Variants in HCN1 observed in about 807,000 individuals in gnomAD.
HCN1 encodes the protein potassium/sodium hyperpolarization-activated cyclic nucleotide-gated channel 1.
Under a neutral mutation model 78.9 loss-of-function variants are expected in HCN1, and 13 were observed. That is an observed-to-expected ratio of 0.16 (90% CI 0.11 to 0.26). The LOEUF (loss-of-function observed/expected upper bound fraction) is 0.26, where lower values mean the gene tolerates loss of function less well. Among genes scored for constraint, HCN1 ranks in the 10% least tolerant of loss-of-function variants. HCN1 has a pLI of 1.00. For synonymous variants in HCN1, 552 were observed against 455.5 expected (o/e 1.21, Z -2.70); for missense variants, 810 against 1,154.3 (o/e 0.70, Z 4.32).
Position 45,449,990 on chromosome 5 carries a change from G to A in HCN1, c.1011+11856C>T, listed in dbSNP as rs186269047. ...TGGGACTGCAGGTGCCTGCCACCACGTCCGGCTAATTTTTGTATTTTTAGA... is the reference window on the plus strand; with the variant it reads ...TGGGACTGCAGGTGCCTGCCACCACATCCGGCTAATTTTTGTATTTTTAGA... On this transcript the variant is annotated intron_variant, in intron 3 of 7. Transcript: ENST00000303230. 3.2e-4 allele frequency among the ~76,000 whole-genome samples: 48 copies of A among 152,164 alleles called. 1 individual carries two copies. The East Asian group carries it at 7.0e-3, about 22-fold the overall frequency.
At chr5:45,352,883 CAA>C (rs1349526458) in intron 5 of HCN1, among the ~76,000 whole-genome samples, 1 of 151,926 alleles carries the variant, frequency 6.6e-6, no homozygotes, top group Non-Finnish European at 1.5e-5. Flanking sequence ...GAAATACAGA[CAA>C]GAGAACAGTT....
In HCN1 at chr5:45,633,587, C is replaced by T. The variant is rs145062284; in HGVS notation, c.849+11598G>A. 9.8e-4 allele frequency among the ~76,000 whole-genome samples: 149 copies of T among 151,970 alleles called. 1 individual carries two copies. The highest frequency in any genetic ancestry group is 3.3e-3 in the African/African-American group (138 of 41,500). On this transcript the variant is annotated intron_variant, in intron 2 of 7. Transcript: ENST00000303230. ...GATCATTTATTTCCTTTTCTAATTCCTCCACAAAAATACAAATTTTCTTTT... is the reference window on the plus strand; with the variant it reads ...GATCATTTATTTCCTTTTCTAATTCTTCCACAAAAATACAAATTTTCTTTT...
At chr5:45,532,095 A>G in intron 2 of HCN1, among the ~76,000 whole-genome samples, 1 of 152,174 alleles carries the variant, frequency 6.6e-6, no homozygotes, top group Non-Finnish European at 1.5e-5. Flanking sequence ...TTTCCTCATC[A>G]TAATTAATCT....
chr5:45,645,694 G>A (rs769163586), intron 1 of HCN1, 86 bp from the exon 2 acceptor site: 31 of 719,158 alleles, frequency 4.3e-5, no homozygotes, highest in African/African-American at 7.1e-5. Flanking sequence ...GATATATAGT[G>A]AGATCAATAA....
chr5:45,282,719 T>C (rs1745192633), intron 6 of HCN1, among the ~76,000 whole-genome samples: 1 of 152,212 alleles, frequency 6.6e-6, no homozygotes, highest in South Asian at 2.1e-4. Flanking sequence ...TGCTTCATTC[T>C]GTGTTATGGG....
intron 1 of HCN1, among the ~76,000 whole-genome samples, chr5:45,677,162 C>T (rs2112083387): frequency 6.6e-6 from 1 of 151,934 alleles, no homozygotes; most frequent in South Asian, 2.1e-4. Flanking sequence ...TAGCTCTACC[C>T]TGCCACATAT....
In HCN1 at chr5:45,506,810, A is replaced by T. The variant is rs544811921; in HGVS notation, c.850-44803T>A. On this transcript the variant is annotated intron_variant, in intron 2 of 7. Transcript: ENST00000303230. ...TATTCATTTGATATTAATCTTGATT[A>T]TTGTATCATAAAAGCTCACTGAGAA... is the stretch of plus-strand genomic sequence containing the variant. Among the ~76,000 whole-genome samples the T allele has an allele frequency of 2.6e-4, 39 of 152,244 alleles. 1 individual carries two copies. In the East Asian group the frequency reaches 6.0e-3, roughly 23 times the overall value.
At chr5:45,687,536 A>C in intron 1 of HCN1, among the ~76,000 whole-genome samples, 1 of 151,516 alleles carries the variant, frequency 6.6e-6, no homozygotes, top group East Asian at 2.0e-4. Context: ...ATTTCTTACT[A>C]TTTTTTTCAT....
At chr5:45,607,478 A>G (rs1356330420) in intron 2 of HCN1, among the ~76,000 whole-genome samples, 2 of 151,592 alleles carry the variant, frequency 1.3e-5, no homozygotes, top group East Asian at 3.9e-4. Context: ...GTAAAATACA[A>G]GTTTGTCTCA....
In HCN1 at chr5:45,472,571, A is replaced by AGAAG. The variant is rs547555800; in HGVS notation, c.850-10568_850-10565dup. Among the ~76,000 whole-genome samples the AGAAG allele has an allele frequency of 9.0e-3, 1,166 of 129,536 alleles. 10 individuals carry two copies. Among genetic ancestry groups the AGAAG allele is most frequent in the Middle Eastern group, 0.046 (11 of 240 alleles). The allele number at this position is 129,536 out of a possible 152,430, so 85.0% of individuals were successfully genotyped here. On this transcript the variant is annotated intron_variant, in intron 2 of 7. Coordinates refer to ENST00000303230, the MANE Select transcript of HCN1 (RefSeq NM_021072.4). ...GGGATGGAGGGAGGGAGGAAAGGAA[A>AGAAG]GAAGGAAGGAAGGAAGGAAGGAAGG...
intron 4 of HCN1, among the ~76,000 whole-genome samples, chr5:45,378,625 C>T (rs995716001): frequency 1.4e-4 from 21 of 151,888 alleles, no homozygotes; most frequent in African/African-American, 7.3e-5. Context: ...TTCATGTGCA[C>T]TTTTTTAAAA....
At chr5:45,636,964 CATAAT>C (rs1745368673) in intron 2 of HCN1, among the ~76,000 whole-genome samples, 1 of 152,152 alleles carries the variant, frequency 6.6e-6, no homozygotes, top group Non-Finnish European at 1.5e-5. Context: ...TAGAAACATT[CATAAT>C]ATAACTTAAA....
chr5:45,341,916 G>A (rs966373392), intron 5 of HCN1, among the ~76,000 whole-genome samples: 1 of 152,018 alleles, frequency 6.6e-6, no homozygotes, highest in Non-Finnish European at 1.5e-5. Context: ...AGTTTTGATG[G>A]GAGATCATTA....
At chr5:45,491,399 G>T (rs1479660033) in intron 2 of HCN1, among the ~76,000 whole-genome samples, 1 of 151,880 alleles carries the variant, frequency 6.6e-6, no homozygotes, top group Non-Finnish European at 1.5e-5. Context: ...TCATAATTAT[G>T]ATATCAGTTG....
At position 45,267,176 on chromosome 5, in the gene HCN1, C is replaced by T. The variant is rs766943052; in HGVS notation, c.1696G>A (p.Val566Met). 2 of 1,613,818 alleles carry T rather than the reference C, an allele frequency of 1.2e-6. No homozygotes were observed. The highest frequency in any genetic ancestry group is 1.7e-6 in the Non-Finnish European group (2 of 1,179,814). The change falls in exon 7 of 8, where the codon GTG becomes ATG. Residue 566 changes from valine (V) to methionine (M), a missense_variant. Transcript: ENST00000303230. ...TCCAGGACCTCGTTGAAATTGTCCACGGAAAGTGAGTAAAGACGACAATAT... is the reference window on the plus strand; with the variant it reads ...TCCAGGACCTCGTTGAAATTGTCCATGGAAAGTGAGTAAAGACGACAATAT... ...DTYCRLYSLS[V>M]DNFNEVLEEY...
At chr5:45,532,419 T>C (rs1413742944) in intron 2 of HCN1, among the ~76,000 whole-genome samples, 1 of 152,210 alleles carries the variant, frequency 6.6e-6, no homozygotes, top group Non-Finnish European at 1.5e-5. Flanking sequence ...TAGAAAAGAA[T>C]GTGATTTCCA....
chr5:45,656,547 G>A (rs557266972), intron 1 of HCN1, among the ~76,000 whole-genome samples: 1 of 152,070 alleles, frequency 6.6e-6, no homozygotes, highest in African/African-American at 2.4e-5. Context: ...GGAGATAAAC[G>A]GATTAAATTG....
intron 2 of HCN1, among the ~76,000 whole-genome samples, chr5:45,585,260 C>T (rs532898184): frequency 4.6e-5 from 7 of 152,138 alleles, no homozygotes; most frequent in African/African-American, 7.2e-5. Flanking sequence ...CTTCTCTTCT[C>T]ACTTCATTTC....
intron 2 of HCN1, among the ~76,000 whole-genome samples, chr5:45,603,918 G>A (rs926307090): frequency 6.6e-6 from 1 of 151,968 alleles, no homozygotes; most frequent in Non-Finnish European, 1.5e-5. Context: ...GTTTATTATT[G>A]AATAGGTTTA....
Sources: gnomAD v4.1 joint callset for allele counts (sites outside exome capture counted in the v4.1 genomes callset) on GRCh38, gnomAD v4.1.1 for gene constraint, MANE v1.5 for transcripts, NCBI Gene and HGNC (gene_info 2026-07-23, HGNC 2026-07-21) for gene names.